APBB2: variants seen among roughly 807,000 people sequenced by gnomAD.
APBB2 encodes Fe65-like 1.
A neutral mutation model predicts 82.5 loss-of-function variants in APBB2; 38 were observed. The observed-to-expected ratio is 0.46, with a 90% CI of 0.36 to 0.60. The LOEUF (loss-of-function observed/expected upper bound fraction) is 0.60, where lower values mean the gene tolerates loss of function less well. APBB2 is among the 20% of genes least tolerant of loss of function. The probability of loss-of-function intolerance (pLI) is 0.00; values close to 1 mark genes in which losing one functional copy is unlikely to be tolerated. For missense variants in APBB2, 772 were observed against 972.3 expected (o/e 0.79, Z 2.74); for synonymous variants, 341 against 368.2 (o/e 0.93, Z 0.85).
At chr4:41,012,301 A>G (rs114452148) in intron 6 of APBB2, among the ~76,000 whole-genome samples, 175 of 152,364 alleles carry the variant, frequency 1.1e-3, no homozygotes, top group African/African-American at 4.1e-3. Flanking sequence ...AAGATGTGCA[A>G]GGAGTCTTTC....
chr4:40,866,638 G>A (rs1393106976), intron 12 of APBB2, among the ~76,000 whole-genome samples: 1 of 152,116 alleles, frequency 6.6e-6, no homozygotes, highest in African/African-American at 2.4e-5. Flanking sequence ...ATATATGGTT[G>A]CTGTTATTTG....
chr4:40,940,532 A>C (rs1413177179), intron 7 of APBB2, among the ~76,000 whole-genome samples: 1 of 152,228 alleles, frequency 6.6e-6, no homozygotes, highest in Admixed American at 6.5e-5. Context: ...AAATGACGGC[A>C]GAACGGCCCT....
intron 12 of APBB2, chr4:40,881,506 C>A (rs1768493220): frequency 1.5e-4 from 37 of 254,586 alleles, no homozygotes; most frequent in South Asian, 5.7e-4. Context: ...TTTTCGCTTT[C>A]TTTCCTTTTA....
intron 12 of APBB2, among the ~76,000 whole-genome samples, chr4:40,869,320 A>T (rs1764824793): frequency 6.6e-6 from 1 of 152,202 alleles, no homozygotes; most frequent in East Asian, 1.9e-4. Flanking sequence ...AGTGGCCCAC[A>T]ACTGTAATCC....
chr4:40,898,182 C>T (rs1282388160), intron 10 of APBB2, among the ~76,000 whole-genome samples: 1 of 152,074 alleles, frequency 6.6e-6, no homozygotes, highest in Non-Finnish European at 1.5e-5. Flanking sequence ...TGTGCGAGGC[C>T]CAAAGAAGAT....
intron 10 of APBB2, among the ~76,000 whole-genome samples, chr4:40,915,089 T>C (rs1275240222): frequency 6.6e-6 from 1 of 152,234 alleles, no homozygotes; most frequent in Non-Finnish European, 1.5e-5. Context: ...AAACACTTTA[T>C]CCGACTCTTG....
At chr4:41,015,644 C>G (rs561177245) in intron 5 of APBB2, among the ~76,000 whole-genome samples, 15 of 152,280 alleles carry the variant, frequency 9.9e-5, no homozygotes, top group African/African-American at 3.6e-4. Flanking sequence ...AAGGCAACAT[C>G]AATCCTCCAC....
intron 4 of APBB2, among the ~76,000 whole-genome samples, chr4:41,049,134 A>C (rs1724667462): frequency 7.1e-6 from 1 of 140,438 alleles, no homozygotes; most frequent in South Asian, 2.3e-4. Context: ...ATCGTCTGAG[A>C]TGTGAGGAGC....
At chr4:40,928,264 T>G (rs1364597807) in intron 10 of APBB2, among the ~76,000 whole-genome samples, 1 of 152,226 alleles carries the variant, frequency 6.6e-6, no homozygotes, top group Non-Finnish European at 1.5e-5. Flanking sequence ...TTAAGGGGAC[T>G]GGGCGCAGTG....
intron 6 of APBB2, among the ~76,000 whole-genome samples, chr4:40,946,847 C>T (rs1268625963): frequency 2.0e-5 from 3 of 152,148 alleles, no homozygotes; most frequent in African/African-American, 4.8e-5. Context: ...CGCTGCATCA[C>T]GTGCGCAGGC....
At chr4:40,845,308 C>T (rs1757139257) in intron 12 of APBB2, among the ~76,000 whole-genome samples, 1 of 152,160 alleles carries the variant, frequency 6.6e-6, no homozygotes, top group Admixed American at 6.5e-5. Context: ...TGGGCTTCTG[C>T]ACAAGACAAA....
At chr4:40,830,941 C>T (rs1439967664) in intron 12 of APBB2, among the ~76,000 whole-genome samples, 2 of 151,792 alleles carry the variant, frequency 1.3e-5, no homozygotes, top group Non-Finnish European at 2.9e-5. Context: ...AAACAAAAAA[C>T]AAACAAAAAA....
chr4:41,010,914 T>C (rs1808160428), intron 6 of APBB2, among the ~76,000 whole-genome samples: 1 of 152,194 alleles, frequency 6.6e-6, no homozygotes, highest in South Asian at 2.1e-4. Context: ...ATAATGCAGC[T>C]TTAACAATCA....
chr4:41,098,777 G>A (rs1358034005), intron 3 of APBB2, among the ~76,000 whole-genome samples: 2 of 152,180 alleles, frequency 1.3e-5, no homozygotes, highest in African/African-American at 2.4e-5. Flanking sequence ...CTTACTTTCT[G>A]AAGCTAAGTT....
At chr4:40,863,891 C>CAAAAAA (rs60135616) in intron 12 of APBB2, among the ~76,000 whole-genome samples, 421 of 32,974 alleles carry the variant, frequency 0.013, 63 homozygotes, top group Non-Finnish European at 0.019. Context: ...GAGACTGTCT[C>CAAAAAA]AAAAAAAAAA....
chr4:40,993,094 C>T (rs1360548000), intron 6 of APBB2, among the ~76,000 whole-genome samples: 1 of 152,128 alleles, frequency 6.6e-6, no homozygotes, highest in South Asian at 2.1e-4. Context: ...GTTCTGTGCC[C>T]CACATGTCTT....
intron 5 of APBB2, among the ~76,000 whole-genome samples, chr4:41,015,023 G>T (rs1334428664): frequency 1.3e-5 from 2 of 152,152 alleles, no homozygotes; most frequent in East Asian, 3.8e-4. Context: ...TGAAGAAATG[G>T]CTTAATTTCT....
chr4:41,184,353 C>T (rs2154066011), intron 1 of APBB2, among the ~76,000 whole-genome samples: 1 of 152,232 alleles, frequency 6.6e-6, no homozygotes, highest in South Asian at 2.1e-4. Context: ...AGTAATACAC[C>T]ACCTCATAAA....
At chr4:41,092,792 C>A (rs1412939740) in intron 3 of APBB2, among the ~76,000 whole-genome samples, 2 of 152,064 alleles carry the variant, frequency 1.3e-5, no homozygotes, top group African/African-American at 4.8e-5. Flanking sequence ...AAAAATATCA[C>A]CGGCCTCTGT....
Sources: gnomAD v4.1 joint callset for allele counts (sites outside exome capture counted in the v4.1 genomes callset) on GRCh38, gnomAD v4.1.1 for gene constraint, MANE v1.5 for transcripts, NCBI Gene and HGNC (gene_info 2026-07-23, HGNC 2026-07-21) for gene names.